NRIP3: variants seen among roughly 807,000 people sequenced by gnomAD.
The protein encoded by NRIP3 is nuclear receptor interacting protein 3.
A neutral mutation model predicts 29.0 loss-of-function variants in NRIP3; 31 were observed. The ratio of observed to expected loss-of-function variants is 1.07; its 90% CI spans 0.80 to 1.44. NRIP3 has a LOEUF of 1.44. Among genes scored for constraint, NRIP3 ranks in the 40% most tolerant of loss-of-function variants. NRIP3 has a pLI of 0.00. For synonymous variants in NRIP3, 131 were observed against 118.3 expected (o/e 1.11, Z -0.70); for missense variants, 314 against 297.9 (o/e 1.05, Z -0.40).
At position 9,003,995 on chromosome 11, in the gene NRIP3, C is replaced by T. The variant is rs908916694; in HGVS notation, c.-60G>A. On this transcript the variant is annotated 5_prime_UTR_variant, in exon 1 of 7. Coordinates refer to ENST00000309166, the MANE Select transcript of NRIP3 (RefSeq NM_020645.3). Reference sequence around the variant, plus strand: ...CCCCGGCAGCCTCAGCCTCGAGCTCCTCCAGCGCCGCAAGGGCCCCGAGCC... The same window carrying T: ...CCCCGGCAGCCTCAGCCTCGAGCTCTTCCAGCGCCGCAAGGGCCCCGAGCC... The T allele has an allele frequency of 3.2e-5, 44 of 1,392,274 alleles. No individual in the cohort carries two copies. Among genetic ancestry groups the T allele is most frequent in the African/African-American group, 4.6e-5 (3 of 65,434 alleles). 86.2% of individuals were successfully genotyped at this position (1,392,274 alleles called of 1,614,324 possible).
rs1039193497 is a variant in NRIP3 at position 8,980,939 on chromosome 11, T to G, written c.*2606A>C. The G allele has an allele frequency of 6.6e-6, 1 of 152,222 alleles. No individual in the cohort carries two copies. The highest frequency in any genetic ancestry group is 2.4e-5 in the African/African-American group (1 of 41,464). The allele number at this position is 152,222 out of a possible 1,614,324, so 9.4% of individuals were successfully genotyped here. A position where few individuals can be genotyped will look rare whatever the true frequency, so the allele number is the denominator to read the frequency against. On this transcript the variant is annotated 3_prime_UTR_variant, in exon 7 of 7. Coordinates refer to ENST00000309166, the MANE Select transcript of NRIP3 (RefSeq NM_020645.3). Reference sequence around the variant, plus strand: ...ATTTTTCAAACTCTGTTATTTGAGATAGACATCTAATAAGGAATGAGACAG... The same window carrying G: ...ATTTTTCAAACTCTGTTATTTGAGAGAGACATCTAATAAGGAATGAGACAG...
intron 6 of NRIP3, 134 bp downstream of exon 6, chr11:8,983,741 G>T (rs1376184051): frequency 2.2e-6 from 2 of 902,650 alleles, no homozygotes; most frequent in Admixed American, 1.9e-5. Context: ...TGGGTGTGGG[G>T]AAGGGTGGAT....
Position 9,003,718 on chromosome 11 carries a change from G to A in NRIP3, c.174+44C>T, listed in dbSNP as rs1033069858. The A allele has an allele frequency of 2.9e-6, 4 of 1,360,824 alleles. No homozygotes were observed. The East Asian group carries it at 9.4e-5, about 32-fold the overall frequency. 84.3% of individuals were successfully genotyped at this position (1,360,824 alleles called of 1,614,324 possible). ...GGCCGGGCCTCGGAAAACGGCGGGCGCGAAGCCGCCGGGGCCGGGGCGAGA... is the reference window on the plus strand; with the variant it reads ...GGCCGGGCCTCGGAAAACGGCGGGCACGAAGCCGCCGGGGCCGGGGCGAGA... On this transcript the variant is annotated intron_variant, in intron 1 of 6. Coordinates refer to ENST00000309166, the MANE Select transcript of NRIP3 (RefSeq NM_020645.3).
chr11:8,997,355 C>CAAAAAAAAAAAAAA (rs11324721), intron 1 of NRIP3, among the ~76,000 whole-genome samples: 8 of 100,856 alleles, frequency 7.9e-5, no homozygotes, highest in Non-Finnish European at 1.3e-4. Context: ...GACTCCGTCT[C>CAAAAAAAAAAAAAA]AAAAAAAAAA....
intron 1 of NRIP3, among the ~76,000 whole-genome samples, chr11:9,001,173 C>A (rs1271429163): frequency 6.6e-6 from 1 of 152,032 alleles, no homozygotes; most frequent in Non-Finnish European, 1.5e-5. Flanking sequence ...GCAAAAGGGG[C>A]AGACAAAAAT....
chr11:8,987,775 A>C, intron 2 of NRIP3, 145 bp from the exon 3 acceptor site: 2 of 700,966 alleles, frequency 2.9e-6, no homozygotes, highest in South Asian at 3.4e-5. Flanking sequence ...ATCTTTACCC[A>C]CTGCTAAGTC....
chr11:8,992,544 G>A (rs985849040), intron 1 of NRIP3, among the ~76,000 whole-genome samples: 1 of 152,106 alleles, frequency 6.6e-6, no homozygotes, highest in Admixed American at 6.6e-5. Context: ...AAAATACAAA[G>A]GATTAGGAAT....
At chr11:9,000,070 CAT>C (rs1455524591) in intron 1 of NRIP3, among the ~76,000 whole-genome samples, 2 of 152,154 alleles carry the variant, frequency 1.3e-5, no homozygotes, top group African/African-American at 4.8e-5. Flanking sequence ...TATTGCATGA[CAT>C]GTGTAGTAGG....
intron 1 of NRIP3, among the ~76,000 whole-genome samples, chr11:8,997,610 C>G (rs1401033728): frequency 6.8e-6 from 1 of 147,600 alleles, no homozygotes; most frequent in Non-Finnish European, 1.5e-5. Flanking sequence ...CTGCCTCCAT[C>G]GCCATCAAGA....
At chr11:8,988,043 C>CTA in intron 2 of NRIP3, 75 bp downstream of exon 2, 1 of 1,426,846 alleles carries the variant, frequency 7.0e-7, no homozygotes, top group Non-Finnish European at 9.8e-7. Flanking sequence ...GACCCACACT[C>CTA]TATAAAGTCA....
intron 1 of NRIP3, among the ~76,000 whole-genome samples, chr11:8,996,275 C>CTTTTTTTTTTTTTTTTTT (rs386373056): frequency 1.2e-5 from 1 of 82,944 alleles, no homozygotes; most frequent in Non-Finnish European, 2.1e-5. Context: ...CCTTTTTTTC[C>CTTTTTTTTTTTTTTTTTT]TTTTTTTTTT....
intron 1 of NRIP3, among the ~76,000 whole-genome samples, chr11:9,002,834 A>G (rs949614930): frequency 1.3e-5 from 2 of 152,242 alleles, no homozygotes; most frequent in Non-Finnish European, 2.9e-5. Context: ...GAAATTCAAG[A>G]AAACAATCAA....
chr11:8,989,826 G>T (rs1854569922), intron 1 of NRIP3, among the ~76,000 whole-genome samples: 1 of 151,992 alleles, frequency 6.6e-6, no homozygotes, highest in Non-Finnish European at 1.5e-5. Context: ...ACTAAAGCAG[G>T]GTGTTTGTTT....
chr11:8,984,166 T>C (rs760292102), intron 4 of NRIP3, 42 bp from the exon 5 acceptor site: 1 of 1,436,448 alleles, frequency 7.0e-7, no homozygotes, highest in South Asian at 1.1e-5. Context: ...GCCATTTCCA[T>C]GCTTGCTTAG....
intron 1 of NRIP3, among the ~76,000 whole-genome samples, chr11:9,002,974 G>C (rs1004784370): frequency 1.3e-5 from 2 of 152,150 alleles, no homozygotes; most frequent in Non-Finnish European, 2.9e-5. Context: ...CCATTCTATA[G>C]AAAGAGGACA....
chr11:8,987,269 T>C (rs1430064404), intron 3 of NRIP3, among the ~76,000 whole-genome samples: 1 of 152,018 alleles, frequency 6.6e-6, no homozygotes, highest in African/African-American at 2.4e-5. Flanking sequence ...GAGCCAGAGG[T>C]CTCAGGCTCT....
chr11:8,984,588 T>C (rs2134906134), intron 4 of NRIP3, among the ~76,000 whole-genome samples: 1 of 152,232 alleles, frequency 6.6e-6, no homozygotes, highest in Non-Finnish European at 1.5e-5. Context: ...TAAGTAATTT[T>C]CCTAGATCAT....
chr11:8,988,652 G>A (rs537704730), intron 1 of NRIP3, among the ~76,000 whole-genome samples: 1 of 152,324 alleles, frequency 6.6e-6, no homozygotes, highest in East Asian at 1.9e-4. Flanking sequence ...TCTAGAGTAA[G>A]TAATCTCTGT....
At chr11:8,990,705 T>A (rs1170229231) in intron 1 of NRIP3, among the ~76,000 whole-genome samples, 1 of 152,104 alleles carries the variant, frequency 6.6e-6, no homozygotes, top group Non-Finnish European at 1.5e-5. Context: ...GACAGGAGAA[T>A]TGCTTGAACC....
Sources: allele counts gnomAD v4.1 joint callset (sites outside exome capture counted in the v4.1 genomes callset), GRCh38; gene constraint gnomAD v4.1.1; transcripts MANE v1.5; gene names NCBI Gene and HGNC (gene_info 2026-07-23, HGNC 2026-07-21).